Variants in SLC35D1 observed in about 807,000 individuals in gnomAD.
SLC35D1 encodes solute carrier family 35 member D1.
SLC35D1 carries 31 observed loss-of-function variants against 46.7 expected under a neutral mutation model. That is an observed-to-expected ratio of 0.66 (90% confidence interval 0.50 to 0.90). The LOEUF (loss-of-function observed/expected upper bound fraction) is 0.90, where lower values mean the gene tolerates loss of function less well. SLC35D1 is among the 40% of genes least tolerant of loss of function. The pLI is 0.00. For missense variants in SLC35D1, 397 were observed against 426.2 expected (o/e 0.93, Z 0.60); for synonymous variants, 195 against 164.6 (o/e 1.18, Z -1.41).
the SLC35D1 span, among the ~76,000 whole-genome samples, chr1:66,974,211 T>C: frequency 1.3e-5 from 2 of 152,066 alleles, no homozygotes; most frequent in Admixed American, 6.6e-5. Flanking sequence ...AATAGAGAAA[T>C]GTTTAGTTTT....
intron 11 of SLC35D1, among the ~76,000 whole-genome samples, chr1:67,006,120 G>A (rs893282148): frequency 6.6e-6 from 1 of 152,080 alleles, no homozygotes; most frequent in Non-Finnish European, 1.5e-5. Context: ...TAAGAGCTAG[G>A]ATTACAGGTG....
intron 11 of SLC35D1, among the ~76,000 whole-genome samples, chr1:67,005,405 C>A (rs1383262428): frequency 6.6e-6 from 1 of 152,176 alleles, no homozygotes. Context: ...GCTCTTGTTC[C>A]CACTAGGAAG....
Position 67,009,182 on chromosome 1 carries a change from A to T in SLC35D1, c.877-15T>A, listed in dbSNP as rs1301537982. 1 of 1,000,648 alleles carries T rather than the reference A, an allele frequency of 1.0e-6. No individual in the cohort carries two copies. Among genetic ancestry groups the T allele is most frequent in the East Asian group, 2.7e-5 (1 of 36,744 alleles). 62.0% of individuals were successfully genotyped at this position (1,000,648 alleles called of 1,614,324 possible). A position where few individuals can be genotyped will look rare whatever the true frequency, so the allele number is the denominator to read the frequency against. On this transcript the variant is annotated splice_polypyrimidine_tract_variant and intron_variant, in intron 10 of 11. Transcript: ENST00000235345. ...ATTAATATATTCTAAAAATAAAAAT[A>T]GTAATATACTGTTATATAGGTTTAA...
intron 8 of SLC35D1, among the ~76,000 whole-genome samples, chr1:67,029,477 G>A (rs1667976451): frequency 1.3e-5 from 2 of 152,176 alleles, no homozygotes; most frequent in African/African-American, 4.8e-5. Context: ...ACTGGCCTAC[G>A]ACTCAGGAGA....
At chr1:67,047,446 T>C in intron 6 of SLC35D1, 79 bp from the exon 7 acceptor site, 1 of 1,157,436 alleles carries the variant, frequency 8.6e-7, no homozygotes, top group East Asian at 2.5e-5. Context: ...CTAAAATATT[T>C]ACAAGAACAT....
intron 8 of SLC35D1, among the ~76,000 whole-genome samples, chr1:67,023,508 C>G (rs1486072430): frequency 7.2e-6 from 1 of 139,494 alleles, no homozygotes; most frequent in African/African-American, 2.7e-5. Flanking sequence ...TTTTTTGAGA[C>G]AGAGTCTCAC....
intron 8 of SLC35D1, among the ~76,000 whole-genome samples, chr1:67,032,701 C>T (rs2815364): frequency 0.6 from 91,298 of 151,834 alleles, 28,907 homozygotes; most frequent in East Asian, 0.84. Context: ...ACAATAATCA[C>T]CATCATCACA....
chr1:67,035,311 T>C (rs1668101128), intron 8 of SLC35D1, among the ~76,000 whole-genome samples: 1 of 152,200 alleles, frequency 6.6e-6, no homozygotes, highest in Non-Finnish European at 1.5e-5. Flanking sequence ...AATTCAGTAG[T>C]GAAGCCATAT....
At chr1:66,973,698 T>C in the SLC35D1 span, among the ~76,000 whole-genome samples, 7 of 152,222 alleles carry the variant, frequency 4.6e-5, no homozygotes, top group East Asian at 1.4e-3. Flanking sequence ...ATGTGTTGTT[T>C]CCATGAGCAA....
intron 10 of SLC35D1, among the ~76,000 whole-genome samples, chr1:67,016,207 T>C (rs992703559): frequency 1.3e-5 from 2 of 152,128 alleles, no homozygotes; most frequent in Non-Finnish European, 2.9e-5. Context: ...GTAATAATTA[T>C]GATTATGTTA....
At chr1:67,027,822 C>A (rs907495189) in intron 8 of SLC35D1, among the ~76,000 whole-genome samples, 8 of 152,100 alleles carry the variant, frequency 5.3e-5, no homozygotes, top group Non-Finnish European at 1.0e-4. Context: ...ATCTCTGCCT[C>A]CTGGATTCAA....
the SLC35D1 span, among the ~76,000 whole-genome samples, chr1:66,992,556 T>C: frequency 6.6e-6 from 1 of 152,248 alleles, no homozygotes; most frequent in African/African-American, 2.4e-5. Flanking sequence ...TCAACAACTT[T>C]AGACTGAGCT....
At chr1:66,976,769 C>T in the SLC35D1 span, 1 of 1,425,642 alleles carries the variant, frequency 7.0e-7, no homozygotes, top group African/African-American at 1.5e-5. Context: ...TTTTGCTAAG[C>T]TTTTCTAGAT....
At chr1:66,972,996 G>A in the SLC35D1 span, 1 of 1,534,716 alleles carries the variant, frequency 6.5e-7, no homozygotes, top group Non-Finnish European at 9.0e-7. Flanking sequence ...AATAAAGTAA[G>A]TAATGATAAT....
chr1:66,995,380 C>T (rs1017317541), downstream of SLC35D1, among the ~76,000 whole-genome samples: 2 of 129,188 alleles, frequency 1.5e-5, no homozygotes, highest in African/African-American at 5.9e-5. Flanking sequence ...AATACTGCAG[C>T]TGGTGTGATC....
chr1:67,027,138 G>GAC (rs1667931426), intron 8 of SLC35D1, among the ~76,000 whole-genome samples: 1 of 152,058 alleles, frequency 6.6e-6, no homozygotes, highest in African/African-American at 2.4e-5. Flanking sequence ...TCTTTTCCAA[G>GAC]AATCTATTTT....
intron 10 of SLC35D1, among the ~76,000 whole-genome samples, chr1:67,019,600 G>C (rs1323575254): frequency 6.6e-6 from 1 of 152,340 alleles, no homozygotes; most frequent in Non-Finnish European, 1.5e-5. Context: ...TCACTACTGA[G>C]TAATGGGGCA....
In SLC35D1 at chr1:67,054,000, T is replaced by C; in HGVS notation, c.14A>G (p.His5Arg). 2 of 1,610,740 alleles carry C rather than the reference T, an allele frequency of 1.2e-6. No homozygotes were observed. Among genetic ancestry groups the C allele is most frequent in the Non-Finnish European group, 1.7e-6 (2 of 1,178,390 alleles). MAEVHRRQHARVKGE... is the reference protein window; with the variant it reads MAEVRRRQHARVKGE... Reference sequence around the variant, plus strand: ...TTTAACCCGAGCATGCTGACGTCTATGAACTTCCGCCATGGCTGCCGCAGC... The same window carrying C: ...TTTAACCCGAGCATGCTGACGTCTACGAACTTCCGCCATGGCTGCCGCAGC... The change falls in exon 1 of 12, where the codon CAT becomes CGT. Residue 5 changes from histidine (H) to arginine (R), a missense_variant. By Grantham distance (29) the His-to-Arg change is conservative. Coordinates refer to ENST00000235345, the MANE Select transcript of SLC35D1 (RefSeq NM_015139.3).
intron 10 of SLC35D1, among the ~76,000 whole-genome samples, chr1:67,014,289 T>C (rs993135496): frequency 3.3e-5 from 5 of 152,228 alleles, no homozygotes; most frequent in African/African-American, 4.8e-5. Flanking sequence ...CTCTGCACTT[T>C]AAAATATAAT....
Sources: gnomAD v4.1 joint callset for allele counts (sites outside exome capture counted in the v4.1 genomes callset) on GRCh38, gnomAD v4.1.1 for gene constraint, MANE v1.5 for transcripts, NCBI Gene and HGNC (gene_info 2026-07-23, HGNC 2026-07-21) for gene names.